Variants in ZFAND6 observed in about 807,000 individuals in gnomAD.
ZFAND6 encodes the protein AN1-type zinc finger protein 6.
Under a neutral mutation model 24.5 loss-of-function variants are expected in ZFAND6, and 12 were observed. The ratio of observed to expected loss-of-function variants is 0.49; its 90% confidence interval spans 0.31 to 0.79. ZFAND6 has a LOEUF of 0.79. Ranked by LOEUF, ZFAND6 falls within the 30% of genes least tolerant of loss-of-function variation. ZFAND6 has a pLI of 0.04. For missense variants in ZFAND6, 207 were observed against 245.9 expected, an observed-to-expected ratio of 0.84 and a Z score of 1.06; for synonymous variants, 92 against 81.5, an observed-to-expected ratio of 1.13 and a Z score of -0.69.
chr15:80,122,628 C>G, intron 4 of ZFAND6, 72 bp from the exon 5 acceptor site: 1 of 963,464 alleles, frequency 1.0e-6, no homozygotes, highest in Non-Finnish European at 1.7e-6. Flanking sequence ...ATGTTGAACT[C>G]TTACTGTGTC....
intron 1 of ZFAND6, among the ~76,000 whole-genome samples, chr15:80,062,646 A>G (rs1191345192): frequency 7.9e-5 from 12 of 152,186 alleles, no homozygotes; most frequent in East Asian, 7.7e-4. Flanking sequence ...TTGCAGACAA[A>G]TATCAGGATG....
chr15:80,070,461 T>C (rs1200907316), intron 1 of ZFAND6, among the ~76,000 whole-genome samples: 1 of 152,216 alleles, frequency 6.6e-6, no homozygotes, highest in Non-Finnish European at 1.5e-5. Flanking sequence ...TTTCTTTTTG[T>C]TTTTGCTGTT....
At chr15:80,132,071 C>T (rs767207883) in intron 6 of ZFAND6, among the ~76,000 whole-genome samples, 6 of 152,124 alleles carry the variant, frequency 3.9e-5, no homozygotes, top group Admixed American at 1.3e-4. Context: ...GCACATAATA[C>T]GTGAACAAGA....
intron 2 of ZFAND6, among the ~76,000 whole-genome samples, chr15:80,119,585 T>TTA (rs1555434833): frequency 5.9e-5 from 9 of 151,316 alleles, no homozygotes; most frequent in Non-Finnish European, 1.0e-4. Context: ...CATGCTTTTT[T>TTA]AAAAAAAAAC....
At chr15:80,084,951 C>G (rs1243895705) in intron 1 of ZFAND6, among the ~76,000 whole-genome samples, 2 of 152,304 alleles carry the variant, frequency 1.3e-5, no homozygotes, top group East Asian at 1.9e-4. Flanking sequence ...AAATACAGTT[C>G]ACTACTCATT....
intron 3 of ZFAND6, 28 bp from the exon 4 acceptor site, chr15:80,121,684 A>G (rs2040153494): frequency 6.4e-7 from 1 of 1,567,778 alleles, no homozygotes; most frequent in Non-Finnish European, 8.8e-7. Flanking sequence ...ATATAGAATC[A>G]CTAATACGCA....
Position 80,107,477 on chromosome 15 carries a change from C to T in ZFAND6, c.-18+8899C>T, listed in dbSNP as rs112216053. 9.3e-4 allele frequency among the ~76,000 whole-genome samples: 142 copies of T among 152,284 alleles called. 1 individual carries two copies. Among genetic ancestry groups the T allele is most frequent in the African/African-American group, 2.5e-3 (105 of 41,560 alleles). ...TGTTTTACCCTTCATTGCTTTTACA[C>T]TGCCAATGCAAATGTCAACACAGTG... On this transcript the variant is annotated intron_variant, in intron 2 of 6. Transcript: ENST00000261749.
intron 1 of ZFAND6, among the ~76,000 whole-genome samples, chr15:80,095,618 G>T (rs2038673303): frequency 6.6e-6 from 1 of 152,160 alleles, no homozygotes; most frequent in South Asian, 2.1e-4. Context: ...CCGGGTTTAG[G>T]TATTTAATTG....
At chr15:80,080,947 A>C (rs951631490) in intron 1 of ZFAND6, among the ~76,000 whole-genome samples, 5 of 152,168 alleles carry the variant, frequency 3.3e-5, no homozygotes, top group African/African-American at 1.2e-4. Flanking sequence ...CATCCCCATC[A>C]TCCAGTCACC....
chr15:80,084,227 G>C (rs1159255167), intron 1 of ZFAND6, among the ~76,000 whole-genome samples: 3 of 152,170 alleles, frequency 2.0e-5, no homozygotes, highest in African/African-American at 4.8e-5. Context: ...TGAGATTTAC[G>C]AAGTGTAGGT....
chr15:80,128,894 T>G (rs2040479278), intron 5 of ZFAND6, among the ~76,000 whole-genome samples: 1 of 152,250 alleles, frequency 6.6e-6, no homozygotes, highest in Admixed American at 6.5e-5. Flanking sequence ...ATTTTCACTC[T>G]TCTCCATTTC....
At chr15:80,128,921 TTG>T (rs1157278000) in intron 5 of ZFAND6, among the ~76,000 whole-genome samples, 2 of 152,208 alleles carry the variant, frequency 1.3e-5, no homozygotes, top group South Asian at 4.1e-4. Context: ...CCATTCAAAT[TTG>T]TGTCTCAGTA....
intron 1 of ZFAND6, among the ~76,000 whole-genome samples, chr15:80,064,296 A>T (rs2036490385): frequency 6.6e-6 from 1 of 152,204 alleles, no homozygotes; most frequent in South Asian, 2.1e-4. Context: ...AAACTTTAAT[A>T]TCAAATTTGA....
intron 5 of ZFAND6, among the ~76,000 whole-genome samples, chr15:80,128,465 T>C (rs1429408178): frequency 2.0e-5 from 3 of 152,198 alleles, no homozygotes; most frequent in African/African-American, 7.2e-5. Context: ...CAGGCAGTTA[T>C]ATGTTGAAAC....
chr15:80,091,806 AT>A (rs2038394394), intron 1 of ZFAND6, among the ~76,000 whole-genome samples: 1 of 152,072 alleles, frequency 6.6e-6, no homozygotes, highest in African/African-American at 2.4e-5. Context: ...TGCCTGGCTA[AT>A]TTTAAAATTT....
chr15:80,079,947 G>A (rs1293885621), intron 1 of ZFAND6, among the ~76,000 whole-genome samples: 2 of 151,536 alleles, frequency 1.3e-5, no homozygotes, highest in Non-Finnish European at 2.9e-5. Context: ...ACCACGCCTG[G>A]CCCTTAGCTT....
chr15:80,112,502 A>G (rs1192033612), intron 2 of ZFAND6, among the ~76,000 whole-genome samples: 2 of 151,888 alleles, frequency 1.3e-5, no homozygotes, highest in African/African-American at 4.8e-5. Flanking sequence ...GGTTCAAACA[A>G]TGCTCCTGCC....
chr15:80,114,010 T>C (rs981913824), intron 2 of ZFAND6, among the ~76,000 whole-genome samples: 1 of 151,860 alleles, frequency 6.6e-6, no homozygotes, highest in Admixed American at 6.6e-5. Flanking sequence ...AGTACAAAGG[T>C]AGATGGGATA....
At chr15:80,106,681 G>A (rs1406112142) in intron 2 of ZFAND6, among the ~76,000 whole-genome samples, 2 of 151,210 alleles carry the variant, frequency 1.3e-5, no homozygotes, top group Non-Finnish European at 2.9e-5. Flanking sequence ...GAAGGACAGT[G>A]TTATTACAAG....
Sources: gnomAD v4.1 joint callset for allele counts (sites outside exome capture counted in the v4.1 genomes callset) on GRCh38, gnomAD v4.1.1 for gene constraint, MANE v1.5 for transcripts, NCBI Gene and HGNC (gene_info 2026-07-23, HGNC 2026-07-21) for gene names.